Variants in ESRRG observed in about 807,000 individuals in gnomAD.
ESRRG encodes the protein estrogen-related receptor gamma.
A neutral mutation model predicts 44.0 loss-of-function variants in ESRRG; 13 were observed. The observed-to-expected ratio is 0.30, with a 90% CI of 0.19 to 0.47. The LOEUF (loss-of-function observed/expected upper bound fraction) is 0.47. ESRRG is among the 20% of genes least tolerant of loss of function. The pLI is 1.00. For synonymous variants in ESRRG, 215 were observed against 214.6 expected (o/e 1.00, Z -0.02); for missense variants, 395 against 580.6 (o/e 0.68, Z 3.29).
chr1:216,852,394 A>G (rs1390002835), intron 2 of ESRRG, among the ~76,000 whole-genome samples: 4 of 152,222 alleles, frequency 2.6e-5, no homozygotes, highest in Non-Finnish European at 5.9e-5. Context: ...TGGCACACAA[A>G]TTAGCAACTG....
At chr1:217,089,574 CG>C (rs1162263892) in exon 1 of ESRRG, 1 of 152,210 alleles carries the variant, frequency 6.6e-6, no homozygotes, top group African/African-American at 2.4e-5. Context: ...AAGCCGAAGC[CG>C]GTTTCTTTGG....
chr1:216,776,193 C>A (rs2093607602), intron 2 of ESRRG, among the ~76,000 whole-genome samples: 1 of 151,984 alleles, frequency 6.6e-6, no homozygotes, highest in African/African-American at 2.4e-5. Context: ...TCACTATCAC[C>A]ACTCCCTTCC....
chr1:217,035,918 A>G (rs760550371), intron 1 of ESRRG, among the ~76,000 whole-genome samples: 2 of 152,216 alleles, frequency 1.3e-5, no homozygotes, highest in Non-Finnish European at 2.9e-5. Flanking sequence ...GCATTCAACA[A>G]AGGTCTAATA....
chr1:216,939,361 A>C (rs955330234), intron 2 of ESRRG, among the ~76,000 whole-genome samples: 9 of 148,662 alleles, frequency 6.1e-5, no homozygotes, highest in African/African-American at 2.3e-4. Context: ...AAAAAAAAAA[A>C]AAAAAAAAAC....
At chr1:216,692,063 T>A (rs564137994) in intron 1 of ESRRG, among the ~76,000 whole-genome samples, 4 of 152,334 alleles carry the variant, frequency 2.6e-5, no homozygotes, top group African/African-American at 9.6e-5. Context: ...TTTATGTATT[T>A]ACTATACTTT....
At chr1:216,538,884 T>G (rs954012484) in intron 5 of ESRRG, among the ~76,000 whole-genome samples, 4 of 152,044 alleles carry the variant, frequency 2.6e-5, no homozygotes, top group African/African-American at 9.7e-5. Flanking sequence ...GAAGTTATCT[T>G]ATGCAGAATA....
intron 1 of ESRRG, among the ~76,000 whole-genome samples, chr1:216,690,321 A>G (rs552010996): frequency 2.0e-5 from 3 of 152,194 alleles, no homozygotes; most frequent in South Asian, 4.1e-4. Flanking sequence ...AAAGATAAAA[A>G]GAAATGAACT....
At chr1:217,069,708 A>G (rs2090310500) in intron 1 of ESRRG, among the ~76,000 whole-genome samples, 2 of 152,158 alleles carry the variant, frequency 1.3e-5, no homozygotes, top group Admixed American at 1.3e-4. Flanking sequence ...TCAGAAGGGA[A>G]TTCCGTCTGC....
At chr1:216,748,874 C>T (rs2091710980) in intron 2 of ESRRG, among the ~76,000 whole-genome samples, 1 of 152,024 alleles carries the variant, frequency 6.6e-6, no homozygotes, top group Non-Finnish European at 1.5e-5. Context: ...TTGGGGGCAC[C>T]ACATACCCTT....
At chr1:217,110,237 C>T (rs1258706875) in intron 1 of ESRRG, among the ~76,000 whole-genome samples, 1 of 152,198 alleles carries the variant, frequency 6.6e-6, no homozygotes, top group Non-Finnish European at 1.5e-5. Flanking sequence ...AAAGCAACTA[C>T]TAGTTAATCA....
At chr1:216,870,052 C>A (rs2149201170) in intron 2 of ESRRG, among the ~76,000 whole-genome samples, 1 of 152,010 alleles carries the variant, frequency 6.6e-6, no homozygotes, top group African/African-American at 2.4e-5. Flanking sequence ...GTAGACCATC[C>A]TTGCTTTGTT....
At chr1:216,955,830 G>C (rs987402798) in intron 1 of ESRRG, among the ~76,000 whole-genome samples, 1 of 151,986 alleles carries the variant, frequency 6.6e-6, no homozygotes, top group African/African-American at 2.4e-5. Flanking sequence ...ATACTTATTG[G>C]CTATTTGTAC....
intron 3 of ESRRG, among the ~76,000 whole-genome samples, chr1:216,569,777 G>C (rs2060448721): frequency 6.6e-6 from 1 of 152,134 alleles, no homozygotes; most frequent in Non-Finnish European, 1.5e-5. Flanking sequence ...AAACTGTTTA[G>C]GAAATAGATT....
rs1041058660 is a variant in ESRRG, at chr1:217,021,821, C to T, written c.-106+67686G>A. On this transcript the variant is annotated intron_variant, in intron 1 of 7. Transcript: ENST00000359162. ...CATCCTTTGTGCAATATTGTTCCTTCGACATCGGATAAAATAACCCATCCT... is the reference window on the plus strand; with the variant it reads ...CATCCTTTGTGCAATATTGTTCCTTTGACATCGGATAAAATAACCCATCCT... 6.6e-5 allele frequency among the ~76,000 whole-genome samples: 10 copies of T among 152,312 alleles called. No individual in the cohort carries two copies. The South Asian group carries it at 1.5e-3, about 22-fold the overall frequency.
At chr1:216,593,291 GA>G (rs1336497582) in intron 3 of ESRRG, among the ~76,000 whole-genome samples, 2 of 151,912 alleles carry the variant, frequency 1.3e-5, no homozygotes, top group African/African-American at 4.8e-5. Context: ...AAAGAAGAGG[GA>G]AAAAAATAAA....
chr1:216,518,141 TG>T (rs1424854603), intron 6 of ESRRG, among the ~76,000 whole-genome samples: 1 of 152,164 alleles, frequency 6.6e-6, no homozygotes, highest in Non-Finnish European at 1.5e-5. Context: ...AAAAGCAATC[TG>T]GTTTTTCATT....
At chr1:216,725,197 C>A (rs2087246279), upstream of ESRRG, among the ~76,000 whole-genome samples, 1 of 152,048 alleles carries the variant, frequency 6.6e-6, no homozygotes, top group East Asian at 1.9e-4. Flanking sequence ...AGATATAGGC[C>A]TAATTCCTTT....
intron 1 of ESRRG, among the ~76,000 whole-genome samples, chr1:217,017,765 T>C (rs923441260): frequency 6.6e-6 from 1 of 152,188 alleles, no homozygotes; most frequent in African/African-American, 2.4e-5. Context: ...GAAAACTCTG[T>C]TATGCTATAT....
chr1:216,584,886 CA>C (rs1363681169), intron 3 of ESRRG, among the ~76,000 whole-genome samples: 1 of 152,102 alleles, frequency 6.6e-6, no homozygotes, highest in Non-Finnish European at 1.5e-5. Flanking sequence ...CAATGTGTAA[CA>C]GAGTAGTTTT....
Sources: gnomAD v4.1 joint callset for allele counts (sites outside exome capture counted in the v4.1 genomes callset) on GRCh38, gnomAD v4.1.1 for gene constraint, MANE v1.5 for transcripts, NCBI Gene and HGNC (gene_info 2026-07-23, HGNC 2026-07-21) for gene names.